Variants in CEP128 observed in about 807,000 individuals in gnomAD.
CEP128 encodes centrosomal protein 128, also known as centrosomal protein 128kDa.
CEP128 carries 132 observed loss-of-function variants against 156.7 expected under a neutral mutation model. That is an observed-to-expected ratio of 0.84 (90% CI 0.73 to 0.97). The LOEUF is 0.97. Ranked by LOEUF, CEP128 falls within the 50% of genes least tolerant of loss-of-function variation. The pLI, the probability that CEP128 is intolerant of heterozygous loss-of-function variation, is 0.00. For missense variants in CEP128, 1,252 were observed against 1,281.9 expected (o/e 0.98, Z 0.36); for synonymous variants, 469 against 448.9 (o/e 1.04, Z -0.57).
chr14:80,725,403 G>A (rs998425362), intron 19 of CEP128, among the ~76,000 whole-genome samples: 10 of 151,698 alleles, frequency 6.6e-5, no homozygotes, highest in African/African-American at 1.9e-4. Context: ...GGCCGGTCTC[G>A]AACTCCTGAC....
At chr14:80,946,972 C>A (rs996960590) in intron 2 of CEP128, among the ~76,000 whole-genome samples, 3 of 152,124 alleles carry the variant, frequency 2.0e-5, no homozygotes, top group Non-Finnish European at 4.4e-5. Context: ...AGCACTTCCC[C>A]CTTCACTCTC....
At chr14:80,840,541 G>A (rs183177596) in intron 10 of CEP128, 141 bp downstream of exon 10, 11 of 539,220 alleles carry the variant, frequency 2.0e-5, no homozygotes, top group Admixed American at 1.8e-4. Flanking sequence ...TAGAAGAGCC[G>A]TTGAACCAAT....
At chr14:80,682,876 T>C (rs756145930) in intron 19 of CEP128, among the ~76,000 whole-genome samples, 1 of 152,194 alleles carries the variant, frequency 6.6e-6, no homozygotes, top group Non-Finnish European at 1.5e-5. Context: ...TAATATCTTT[T>C]CCAGACAATC....
chr14:80,885,172 TG>T (rs1374768626), intron 8 of CEP128, among the ~76,000 whole-genome samples: 1 of 152,092 alleles, frequency 6.6e-6, no homozygotes, highest in Non-Finnish European at 1.5e-5. Flanking sequence ...ACACAGCACC[TG>T]GGGAAAGGGG....
intron 19 of CEP128, among the ~76,000 whole-genome samples, chr14:80,670,272 T>A (rs1895785305): frequency 6.6e-6 from 1 of 152,168 alleles, no homozygotes; most frequent in Non-Finnish European, 1.5e-5. Flanking sequence ...AAAAGATACC[T>A]TTACTCATGT....
intron 13 of CEP128, among the ~76,000 whole-genome samples, chr14:80,800,057 C>T (rs974114907): frequency 1.3e-5 from 2 of 152,064 alleles, no homozygotes; most frequent in Non-Finnish European, 2.9e-5. Context: ...GTTTTACACC[C>T]CCTCCCCTTT....
chr14:80,816,221 G>A (rs1884846510), intron 13 of CEP128, among the ~76,000 whole-genome samples: 2 of 152,158 alleles, frequency 1.3e-5, no homozygotes, highest in East Asian at 3.8e-4. Context: ...CAACTCAGTT[G>A]TCTGAATCTC....
intron 8 of CEP128, among the ~76,000 whole-genome samples, chr14:80,867,710 T>G (rs988814959): frequency 6.6e-6 from 1 of 151,930 alleles, no homozygotes; most frequent in Non-Finnish European, 1.5e-5. Flanking sequence ...GCTATGGAAT[T>G]TATGAGATAC....
At position 80,778,009 on chromosome 14, in the gene CEP128, T is replaced by C. The variant is rs780249795; in HGVS notation, c.2249A>G (p.His750Arg). ...TTTCAACTTCTCCAGCTGACCACGA[T>C]GAATTTTAGCCATATTCTTCTCTTC... is the stretch of plus-strand genomic sequence containing the variant. ...SLEEKNMAKI[H>R]RGQLEKLKSQ... The change falls in exon 16 of 25, where the codon CAT (histidine) becomes CGT (arginine). Residue 750 changes from histidine (H) to arginine (R), a missense_variant. His to Arg is a conservative substitution (Grantham distance 29). Coordinates refer to ENST00000555265, the MANE Select transcript of CEP128 (RefSeq NM_152446.5). 1.9e-6 allele frequency: 3 copies of C among 1,613,516 alleles called. No individual in the cohort carries two copies. Among genetic ancestry groups the C allele is most frequent in the Non-Finnish European group, 8.5e-7 (1 of 1,179,886 alleles).
chr14:80,620,744 T>G (rs977154703), intron 19 of CEP128, among the ~76,000 whole-genome samples: 1 of 152,168 alleles, frequency 6.6e-6, no homozygotes, highest in Admixed American at 6.6e-5. Context: ...GATCCTAAGA[T>G]CCTCTTAATA....
At chr14:80,648,195 A>T (rs1325590497) in intron 19 of CEP128, among the ~76,000 whole-genome samples, 1 of 151,968 alleles carries the variant, frequency 6.6e-6, no homozygotes, top group East Asian at 1.9e-4. Flanking sequence ...TCTCTGAGTC[A>T]GGAGAGCAGT....
Position 80,856,720 on chromosome 14 carries a change from C to CTTTTTTTTTTTTTTTT in CEP128, c.762+6021_762+6036dup, listed in dbSNP as rs766724436. On this transcript the variant is annotated intron_variant, in intron 9 of 24. Transcript: ENST00000555265. ...AGCATTTATCTCATGTTTTTCTTTT[C>CTTTTTTTTTTTTTTTT]TTTTTTTTTTTTTTTTTTTTTTTTT... is the stretch of plus-strand genomic sequence containing the variant. 8.6e-4 allele frequency among the ~76,000 whole-genome samples: 56 copies of CTTTTTTTTTTTTTTTT among 65,190 alleles called. 1 individual carries two copies. Among genetic ancestry groups the CTTTTTTTTTTTTTTTT allele is most frequent in the Non-Finnish European group, 1.2e-3 (44 of 35,596 alleles). 42.8% of individuals were successfully genotyped at this position (65,190 alleles called of 152,430 possible).
At chr14:80,498,503 G>A (rs1448052537) in intron 24 of CEP128, among the ~76,000 whole-genome samples, 3 of 152,250 alleles carry the variant, frequency 2.0e-5, no homozygotes, top group Middle Eastern at 6.8e-3. Context: ...TCAGTAGCCC[G>A]TATCTCTAGG....
chr14:80,664,402 A>C (rs1895526925), intron 19 of CEP128, among the ~76,000 whole-genome samples: 2 of 152,140 alleles, frequency 1.3e-5, no homozygotes, highest in Non-Finnish European at 2.9e-5. Context: ...ACAGTGAGCA[A>C]GCTGAGAAAG....
intron 19 of CEP128, among the ~76,000 whole-genome samples, chr14:80,736,900 G>A (rs1260949464): frequency 6.6e-6 from 1 of 152,158 alleles, no homozygotes; most frequent in Non-Finnish European, 1.5e-5. Flanking sequence ...CTGGTTCTAG[G>A]AATATTTAGC....
At chr14:80,670,949 A>G (rs1895815767) in intron 19 of CEP128, among the ~76,000 whole-genome samples, 1 of 152,236 alleles carries the variant, frequency 6.6e-6, no homozygotes, top group African/African-American at 2.4e-5. Context: ...ATTTGATTCA[A>G]TAGTACTAAT....
chr14:80,495,757 A>C (rs139304665), downstream of CEP128, among the ~76,000 whole-genome samples: 1 of 152,134 alleles, frequency 6.6e-6, no homozygotes, highest in Non-Finnish European at 1.5e-5. Context: ...CTACTAATAC[A>C]TAAAAGAAAA....
intron 19 of CEP128, among the ~76,000 whole-genome samples, chr14:80,653,778 G>A (rs1895014394): frequency 6.6e-6 from 1 of 152,140 alleles, no homozygotes; most frequent in African/African-American, 2.4e-5. Flanking sequence ...CTCATCTAAA[G>A]AGTGTTTCAA....
intron 2 of CEP128, among the ~76,000 whole-genome samples, chr14:80,953,822 C>T (rs771999431): frequency 2.4e-4 from 36 of 152,058 alleles, no homozygotes; most frequent in Non-Finnish European, 5.0e-4. Flanking sequence ...TTTTCCTGTC[C>T]CTATGGTTTT....
Sources: gnomAD v4.1 joint callset for allele counts (sites outside exome capture counted in the v4.1 genomes callset) on GRCh38, gnomAD v4.1.1 for gene constraint, MANE v1.5 for transcripts, NCBI Gene and HGNC (gene_info 2026-07-23, HGNC 2026-07-21) for gene names.